REV3L: variants seen among roughly 807,000 people sequenced by gnomAD.
The protein encoded by REV3L is DNA polymerase zeta catalytic subunit.
REV3L carries 69 observed loss-of-function variants against 299.4 expected under a neutral mutation model. That is an observed-to-expected ratio of 0.23 (90% CI 0.19 to 0.28). REV3L has a LOEUF of 0.28. Ranked by LOEUF, REV3L falls within the 10% of genes least tolerant of loss-of-function variation. The probability of loss-of-function intolerance (pLI) is 1.00; values close to 1 mark genes in which losing one functional copy is unlikely to be tolerated. For missense variants in REV3L, 3,128 were observed against 3,693.8 expected (o/e 0.85, Z 3.97); for synonymous variants, 1,238 against 1,271.4 (o/e 0.97, Z 0.56).
At chr6:111,426,300 T>TA (rs1409879203) in intron 1 of REV3L, among the ~76,000 whole-genome samples, 1 of 152,240 alleles carries the variant, frequency 6.6e-6, no homozygotes, top group Admixed American at 6.5e-5. Context: ...GGGTGGCCTC[T>TA]AAGAAGGCTT....
intron 19 of REV3L, among the ~76,000 whole-genome samples, chr6:111,350,371 G>C (rs1417100360): frequency 1.3e-5 from 2 of 151,498 alleles, no homozygotes; most frequent in Non-Finnish European, 2.9e-5. Flanking sequence ...TCTGGTGATT[G>C]TTTTAAGTTC....
At chr6:111,419,766 T>A (rs770455430) in intron 1 of REV3L, among the ~76,000 whole-genome samples, 2 of 152,222 alleles carry the variant, frequency 1.3e-5, no homozygotes, top group Admixed American at 6.5e-5. Flanking sequence ...AAGTTCCACA[T>A]ACAGGATGCT....
intron 1 of REV3L, among the ~76,000 whole-genome samples, chr6:111,464,776 T>C (rs1251630874): frequency 6.6e-6 from 1 of 152,028 alleles, no homozygotes; most frequent in Non-Finnish European, 1.5e-5. Flanking sequence ...CCTAGACAGG[T>C]GGACTTCCTG....
At chr6:111,365,476 C>T in intron 14 of REV3L, 132 bp from the exon 15 acceptor site, 1 of 430,142 alleles carries the variant, frequency 2.3e-6, no homozygotes. Context: ...CCCAGAATTT[C>T]ATAATTTAAA....
At position 111,350,854 on chromosome 6, in the gene REV3L, T is replaced by C. The variant is rs184338395; in HGVS notation, c.7300+822A>G. Among the ~76,000 whole-genome samples, 25 of 151,930 alleles carry C rather than the reference T, an allele frequency of 1.6e-4. 1 individual carries two copies. Among genetic ancestry groups the C allele is most frequent in the Admixed American group, 1.6e-3 (24 of 15,238 alleles). Reference sequence around the variant, plus strand: ...GCCTCCCACCTTGGCCTCCCAAAGATGGGATTACAGGTGTGAGCCACTGCA... The same window carrying C: ...GCCTCCCACCTTGGCCTCCCAAAGACGGGATTACAGGTGTGAGCCACTGCA... On this transcript the variant is annotated intron_variant, in intron 19 of 31. Transcript: ENST00000368802.
Position 111,355,274 on chromosome 6 carries a change from AC to A in REV3L, c.7184+1739del, listed in dbSNP as rs529148429. Among the ~76,000 whole-genome samples the A allele has an allele frequency of 2.2e-3, 340 of 152,246 alleles. 2 individuals carry two copies. Among genetic ancestry groups the A allele is most frequent in the African/African-American group, 7.8e-3 (326 of 41,554 alleles). On this transcript the variant is annotated intron_variant, in intron 18 of 31. Coordinates refer to ENST00000368802, the MANE Select transcript of REV3L (RefSeq NM_001372078.1). The stretch of plus-strand genomic sequence containing the variant: ...ACACACAGTTAACATTTATGTACTC[AC>A]TATGTGCCAGACCTGAGTTTAAGAG...
At chr6:111,370,961 T>C (rs1276388562) in intron 13 of REV3L, among the ~76,000 whole-genome samples, 2 of 152,168 alleles carry the variant, frequency 1.3e-5, no homozygotes, top group Non-Finnish European at 2.9e-5. Context: ...ATTCATATTG[T>C]ATCTTTCTTT....
intron 16 of REV3L, among the ~76,000 whole-genome samples, chr6:111,360,295 G>A (rs1380473946): frequency 6.6e-6 from 1 of 152,012 alleles, no homozygotes; most frequent in South Asian, 2.1e-4. Context: ...CACATGCATA[G>A]AAAATTTCTG....
In REV3L at chr6:111,405,634, A is replaced by C; in HGVS notation, c.405-4T>G. The C allele has an allele frequency of 6.4e-7, 1 of 1,570,692 alleles. No individual in the cohort carries two copies. The highest frequency in any genetic ancestry group is 8.6e-7 in the Non-Finnish European group (1 of 1,160,534). On this transcript the variant is annotated splice_polypyrimidine_tract_variant and splice_region_variant and intron_variant, in intron 3 of 31. Transcript: ENST00000368802. ...GCTTTGCAAAAGTTCACATATCCTA[A>C]ATTAGAAAAAAAAAGTTTTATCATA...
intron 31 of REV3L, 41 bp from the exon 32 acceptor site, chr6:111,300,197 TTTATGC>T (rs1461668464): frequency 1.3e-6 from 2 of 1,522,414 alleles, no homozygotes; most frequent in Non-Finnish European, 8.8e-7. Context: ...TAGGAAAGTT[TTTATGC>T]GTGTATGCAA....
intron 26 of REV3L, among the ~76,000 whole-genome samples, chr6:111,320,266 C>A (rs1773998268): frequency 6.6e-6 from 1 of 151,998 alleles, no homozygotes; most frequent in Non-Finnish European, 1.5e-5. Context: ...TGGCGTTCTC[C>A]ATATGGTCAG....
intron 1 of REV3L, among the ~76,000 whole-genome samples, chr6:111,436,815 G>GATGAGAT (rs929485796): frequency 1.6e-4 from 25 of 152,166 alleles, no homozygotes; most frequent in African/African-American, 5.3e-4. Flanking sequence ...AAATATTTAA[G>GATGAGAT]ATGAGATGAA....
chr6:111,477,993 C>T (rs1000551623), intron 1 of REV3L, among the ~76,000 whole-genome samples: 6 of 152,010 alleles, frequency 3.9e-5, no homozygotes, highest in Non-Finnish European at 4.4e-5. Context: ...GATTAAAATC[C>T]CTAAAACTAG....
chr6:111,306,170 A>G (rs555562518), intron 31 of REV3L, among the ~76,000 whole-genome samples: 1 of 152,196 alleles, frequency 6.6e-6, no homozygotes, highest in South Asian at 2.1e-4. Context: ...AGCAGAGGAG[A>G]TTATGGCAGG....
intron 1 of REV3L, among the ~76,000 whole-genome samples, chr6:111,463,246 A>G (rs1791009203): frequency 6.6e-6 from 1 of 152,174 alleles, no homozygotes. Context: ...TTATTACCAT[A>G]AGCAATGGTG....
rs1788897538 is a variant in REV3L, at chr6:111,446,734, A to G, written c.140-30262T>C. Among the ~76,000 whole-genome samples the G allele has an allele frequency of 2.0e-5, 3 of 149,394 alleles. No homozygotes were observed. The South Asian group carries it at 6.4e-4, about 32-fold the overall frequency. On this transcript the variant is annotated intron_variant, in intron 1 of 31. Transcript: ENST00000368802. Reference sequence around the variant, plus strand: ...CAAACAAACAAACAAACAAACAAACAACTCCCAAATCACAGGGACTCTACT... The same window carrying G: ...CAAACAAACAAACAAACAAACAAACGACTCCCAAATCACAGGGACTCTACT...
chr6:111,470,254 A>G (rs1388622720), intron 1 of REV3L, among the ~76,000 whole-genome samples: 2 of 152,112 alleles, frequency 1.3e-5, no homozygotes, highest in East Asian at 1.9e-4. Context: ...TCACATCTCA[A>G]TAATGGCTAT....
intron 13 of REV3L, among the ~76,000 whole-genome samples, chr6:111,369,657 A>C (rs1779582097): frequency 6.6e-6 from 1 of 152,204 alleles, no homozygotes; most frequent in Non-Finnish European, 1.5e-5. Context: ...AAATTTGGAT[A>C]TAATACTGTG....
In REV3L at chr6:111,363,866, T is replaced by G. The variant is rs1425661966; in HGVS notation, c.6866A>C (p.Lys2289Thr). 3 of 1,613,306 alleles carry G rather than the reference T, an allele frequency of 1.9e-6. No individual in the cohort carries two copies. The highest frequency in any genetic ancestry group is 2.5e-6 in the Non-Finnish European group (3 of 1,179,688). The change falls in exon 16 of 32, where the codon AAA becomes ACA. Residue 2289 changes from lysine to threonine, a missense_variant. Around this residue, in one of 9 missense-constraint regions of REV3L, gnomAD observed 2,409 missense variants for 2,611.8 expected, o/e 0.92. Transcript: ENST00000368802. The part of the protein sequence containing the change: ...KVSIQNLQEA[K>T]ALHEIQNLTL... The stretch of plus-strand genomic sequence containing the variant: ...TTGCAGTTTTACCTCATGTAAAGCT[T>G]TTGCCTCCTGTAAGTTTTGTATGCT...
Sources: allele counts gnomAD v4.1 joint callset (sites outside exome capture counted in the v4.1 genomes callset), GRCh38; gene constraint gnomAD v4.1.1; regional missense constraint gnomAD v4.1.1; transcripts MANE v1.5; gene names NCBI Gene and HGNC (gene_info 2026-07-23, HGNC 2026-07-21).